The following MARCHF1 variants were observed in gnomAD, a reference collection of about 807,000 sequenced individuals.
The protein encoded by MARCHF1 is E3 ubiquitin-protein ligase MARCHF1.
A neutral mutation model predicts 54.2 loss-of-function variants in MARCHF1; 40 were observed. That is an observed-to-expected ratio of 0.74 (90% CI 0.57 to 0.96). The LOEUF is 0.96. Ranked by LOEUF, MARCHF1 falls within the 40% of genes least tolerant of loss-of-function variation. The probability of loss-of-function intolerance (pLI) is 0.00; values close to 1 mark genes in which losing one functional copy is unlikely to be tolerated. For synonymous variants in MARCHF1, 236 were observed against 236.3 expected (o/e 1.00, Z 0.01); for missense variants, 586 against 656.5 (o/e 0.89, Z 1.17).
At position 163,783,952 on chromosome 4, in the gene MARCHF1, G is replaced by A. The variant is rs1349464124; in HGVS notation, c.111+70069C>T. Among the ~76,000 whole-genome samples the A allele has an allele frequency of 2.6e-5, 4 of 151,968 alleles. 1 individual carries two copies. Among genetic ancestry groups the A allele is most frequent in the African/African-American group, 9.7e-5 (4 of 41,352 alleles). ...ATAGATGCATCAAATATTTTACCCT[G>A]GAAAAAATATAGGTTTATAGCTTTC... is the stretch of plus-strand genomic sequence containing the variant. On this transcript the variant is annotated intron_variant, in intron 4 of 9. Coordinates refer to ENST00000514618, the MANE Select transcript of MARCHF1 (RefSeq NM_001394959.1).
intron 4 of MARCHF1, among the ~76,000 whole-genome samples, chr4:163,733,205 A>ATACATACACATG (rs1554008848): frequency 2.4e-4 from 8 of 33,230 alleles, no homozygotes; most frequent in South Asian, 3.4e-3. Flanking sequence ...ATATATATAT[A>ATACATACACATG]TATATATATA....
intron 7 of MARCHF1, among the ~76,000 whole-genome samples, chr4:163,598,681 C>G (rs536162365): frequency 2.2e-4 from 34 of 152,288 alleles, no homozygotes; most frequent in African/African-American, 8.2e-4. Context: ...ATGAATGGAG[C>G]TTACAGAACT....
chr4:163,901,442 A>T (rs1017492926), intron 3 of MARCHF1, among the ~76,000 whole-genome samples: 2 of 152,138 alleles, frequency 1.3e-5, no homozygotes, highest in African/African-American at 4.8e-5. Context: ...CACCTGTCTT[A>T]TAGGCATAGT....
chr4:164,223,374 G>C (rs1254661719), intron 1 of MARCHF1, among the ~76,000 whole-genome samples: 1 of 151,806 alleles, frequency 6.6e-6, no homozygotes, highest in African/African-American at 2.4e-5. Context: ...TATATATATG[G>C]TGACAATTGT....
chr4:164,349,011 C>T (rs1730199879), intron 1 of MARCHF1, among the ~76,000 whole-genome samples: 1 of 152,140 alleles, frequency 6.6e-6, no homozygotes, highest in South Asian at 2.1e-4. Flanking sequence ...AGAATCTCCT[C>T]TATCTGGGAA....
chr4:163,528,666 T>C lies in MARCHF1; in HGVS notation c.*82A>G. 1 of 1,383,568 alleles carries C rather than the reference T, an allele frequency of 7.2e-7. No individual in the cohort carries two copies. The highest frequency in any genetic ancestry group is 1.4e-5 in the South Asian group (1 of 71,824). 85.7% of individuals were successfully genotyped at this position (1,383,568 alleles called of 1,614,324 possible). A position where few individuals can be genotyped will look rare whatever the true frequency, so the allele number is the denominator to read the frequency against. On this transcript the variant is annotated 3_prime_UTR_variant, in exon 10 of 10. Transcript: ENST00000514618. ...GAAAGGAGGAGCTGAAGGGAGTAAA[T>C]AATTCAAGATCACTTCTGTCATTTG...
chr4:163,631,612 G>C (rs1422574057), intron 5 of MARCHF1, among the ~76,000 whole-genome samples: 1 of 73,852 alleles, frequency 1.4e-5, no homozygotes, highest in Admixed American at 1.3e-4. Flanking sequence ...TTTTGCCTAA[G>C]AATAAGTTTC....
intron 1 of MARCHF1, among the ~76,000 whole-genome samples, chr4:164,327,375 G>C (rs1181246807): frequency 2.0e-5 from 3 of 152,164 alleles, no homozygotes; most frequent in African/African-American, 7.2e-5. Context: ...GCTTGTGAAA[G>C]TGATGAGAGA....
At chr4:163,722,455 T>C (rs1579227754) in intron 4 of MARCHF1, among the ~76,000 whole-genome samples, 1 of 152,188 alleles carries the variant, frequency 6.6e-6, no homozygotes, top group Non-Finnish European at 1.5e-5. Context: ...TCCAACTATG[T>C]GGTCAATTTT....
At chr4:164,158,891 C>A (rs1730155170) in intron 1 of MARCHF1, among the ~76,000 whole-genome samples, 1 of 152,174 alleles carries the variant, frequency 6.6e-6, no homozygotes, top group African/African-American at 2.4e-5. Flanking sequence ...ATGAACATGT[C>A]TACTTCGAGA....
At chr4:163,708,708 G>A (rs1386970643) in intron 4 of MARCHF1, among the ~76,000 whole-genome samples, 2 of 152,106 alleles carry the variant, frequency 1.3e-5, no homozygotes, top group Non-Finnish European at 2.9e-5. Flanking sequence ...ATGACTATAT[G>A]AGCATGGAAA....
chr4:163,714,732 C>CAGTG (rs1745207744), intron 4 of MARCHF1, among the ~76,000 whole-genome samples: 1 of 151,938 alleles, frequency 6.6e-6, no homozygotes, highest in South Asian at 2.1e-4. Context: ...AGGCTGAGTG[C>CAGTG]AGTGCATGGT....
intron 1 of MARCHF1, among the ~76,000 whole-genome samples, chr4:164,375,058 C>T (rs181652467): frequency 7.2e-4 from 110 of 152,120 alleles, no homozygotes; most frequent in African/African-American, 2.4e-3. Context: ...TCTAATTGAT[C>T]GAATTTCAAA....
intron 3 of MARCHF1, among the ~76,000 whole-genome samples, chr4:163,969,700 A>T (rs1752512098): frequency 6.6e-6 from 1 of 152,222 alleles, no homozygotes; most frequent in Non-Finnish European, 1.5e-5. Flanking sequence ...TGCTTCTATG[A>T]TCTAATTTTC....
chr4:164,339,808 CA>C (rs1729861666), intron 1 of MARCHF1, among the ~76,000 whole-genome samples: 1 of 151,806 alleles, frequency 6.6e-6, no homozygotes, highest in South Asian at 2.1e-4. Context: ...ACAAAATCAA[CA>C]AACATTTAGC....
At chr4:163,981,154 T>C (rs1263476073) in intron 3 of MARCHF1, among the ~76,000 whole-genome samples, 1 of 152,214 alleles carries the variant, frequency 6.6e-6, no homozygotes, top group Non-Finnish European at 1.5e-5. Context: ...AATTGTTTTT[T>C]TTTTTTCCTA....
chr4:163,640,100 C>T (rs1742499474), intron 5 of MARCHF1, among the ~76,000 whole-genome samples: 1 of 152,054 alleles, frequency 6.6e-6, no homozygotes, highest in African/African-American at 2.4e-5. Flanking sequence ...GCAAGAAGAC[C>T]TGGATTTACT....
At chr4:163,935,617 T>G (rs776533383) in intron 3 of MARCHF1, among the ~76,000 whole-genome samples, 1 of 152,130 alleles carries the variant, frequency 6.6e-6, no homozygotes, top group Non-Finnish European at 1.5e-5. Context: ...GTCTTTGACT[T>G]AAGAGAATGT....
chr4:163,571,719 T>C (rs2110756825), intron 8 of MARCHF1, among the ~76,000 whole-genome samples: 1 of 152,260 alleles, frequency 6.6e-6, no homozygotes, highest in Admixed American at 6.5e-5. Context: ...TTAACTAAAC[T>C]GATTTGCTCA....
Sources: allele counts gnomAD v4.1 joint callset (sites outside exome capture counted in the v4.1 genomes callset), GRCh38; gene constraint gnomAD v4.1.1; transcripts MANE v1.5; gene names NCBI Gene and HGNC (gene_info 2026-07-23, HGNC 2026-07-21).